PRKAR2B: variants seen among roughly 807,000 people sequenced by gnomAD.
The protein encoded by PRKAR2B is cAMP-dependent protein kinase type II-beta regulatory subunit.
Under a neutral mutation model 49.9 loss-of-function variants are expected in PRKAR2B, and 14 were observed. The ratio of observed to expected loss-of-function variants is 0.28; its 90% CI spans 0.19 to 0.44. PRKAR2B has a LOEUF of 0.44. PRKAR2B is among the 20% of genes least tolerant of loss of function. The pLI, the probability that PRKAR2B is intolerant of heterozygous loss-of-function variation, is 1.00. For synonymous variants in PRKAR2B, 196 were observed against 197.7 expected, an observed-to-expected ratio of 0.99 and a Z score of 0.07; for missense variants, 393 against 537.9, an observed-to-expected ratio of 0.73 and a Z score of 2.67.
intron 1 of PRKAR2B, among the ~76,000 whole-genome samples, chr7:107,047,233 C>T (rs1364683147): frequency 6.6e-6 from 1 of 152,208 alleles, no homozygotes; most frequent in Non-Finnish European, 1.5e-5. Flanking sequence ...GGCAATAGTA[C>T]AGGTACTTCC....
At chr7:107,125,025 G>A (rs1795459124) in intron 3 of PRKAR2B, among the ~76,000 whole-genome samples, 1 of 152,008 alleles carries the variant, frequency 6.6e-6, no homozygotes, top group African/African-American at 2.4e-5. Flanking sequence ...TATGACGCTT[G>A]AATTTGAATT....
chr7:107,114,324 C>CTGTA (rs1373642018), intron 2 of PRKAR2B, among the ~76,000 whole-genome samples: 36 of 130,942 alleles, frequency 2.7e-4, no homozygotes, highest in African/African-American at 7.5e-4. Context: ...GCATGTACAG[C>CTGTA]TGTGTGTGTG....
At chr7:107,111,227 C>A (rs1201723294) in intron 2 of PRKAR2B, among the ~76,000 whole-genome samples, 1 of 152,202 alleles carries the variant, frequency 6.6e-6, no homozygotes, top group Admixed American at 6.5e-5. Context: ...TCAGTGCCAG[C>A]TCAGCCACAG....
intron 2 of PRKAR2B, among the ~76,000 whole-genome samples, chr7:107,094,155 A>T (rs2116804107): frequency 6.6e-6 from 1 of 152,278 alleles, no homozygotes; most frequent in East Asian, 1.9e-4. Context: ...CTATTTCTTC[A>T]CATCCTCTCC....
chr7:107,057,378 A>C (rs1288869571), intron 1 of PRKAR2B, among the ~76,000 whole-genome samples: 5 of 143,522 alleles, frequency 3.5e-5, no homozygotes, highest in African/African-American at 7.8e-5. Context: ...TTTTTTTCCC[A>C]CTCCACTAAT....
chr7:107,115,004 T>C (rs921169839), intron 2 of PRKAR2B, among the ~76,000 whole-genome samples: 4 of 152,164 alleles, frequency 2.6e-5, no homozygotes, highest in Admixed American at 2.6e-4. Context: ...ATTTAAAATA[T>C]CTAAAATGTT....
In PRKAR2B at chr7:107,159,605, T is replaced by C. The variant is rs371678208; in HGVS notation, c.*23T>C. The C allele has an allele frequency of 2.2e-5, 36 of 1,612,292 alleles. No individual in the cohort carries two copies. The highest frequency in any genetic ancestry group is 3.1e-5 in the Non-Finnish European group (36 of 1,178,718). On this transcript the variant is annotated 3_prime_UTR_variant, in exon 11 of 11. Coordinates refer to ENST00000265717, the MANE Select transcript of PRKAR2B (RefSeq NM_002736.3). ...TGAAGCAAAAGTATGGAGCAAGACC[T>C]GTAGTGACAAAATTACACAGTAGTG... is the stretch of plus-strand genomic sequence containing the variant.
intron 4 of PRKAR2B, among the ~76,000 whole-genome samples, chr7:107,136,363 CTG>C (rs1322809475): frequency 6.6e-6 from 1 of 152,102 alleles, no homozygotes; most frequent in Non-Finnish European, 1.5e-5. Flanking sequence ...GCAAAAGACA[CTG>C]TGAGCAGAAT....
chr7:107,093,944 C>A, intron 2 of PRKAR2B, among the ~76,000 whole-genome samples: 1 of 152,100 alleles, frequency 6.6e-6, no homozygotes, highest in African/African-American at 2.4e-5. Flanking sequence ...CAAGTCTTTG[C>A]TATTGTGAAT....
intron 2 of PRKAR2B, among the ~76,000 whole-genome samples, chr7:107,106,319 C>A (rs1164867403): frequency 6.6e-6 from 1 of 152,150 alleles, no homozygotes; most frequent in East Asian, 1.9e-4. Context: ...CATCGCACCC[C>A]ACAAGAAAAA....
chr7:107,148,341 A>C (rs1342363614), intron 6 of PRKAR2B, among the ~76,000 whole-genome samples: 1 of 152,204 alleles, frequency 6.6e-6, no homozygotes, highest in Non-Finnish European at 1.5e-5. Context: ...AATAAGATCA[A>C]CTGTTTTATA....
At chr7:107,135,734 A>G (rs1795690470) in intron 4 of PRKAR2B, among the ~76,000 whole-genome samples, 1 of 152,174 alleles carries the variant, frequency 6.6e-6, no homozygotes, top group Non-Finnish European at 1.5e-5. Flanking sequence ...AATTTAATAA[A>G]TGAAGAGATT....
rs257377 is a variant in PRKAR2B at position 107,160,643 on chromosome 7, G to T, written c.*1061G>T. On this transcript the variant is annotated 3_prime_UTR_variant, in exon 11 of 11. Transcript: ENST00000265717. ...TCAGCAGCCAATATGGGTTTGTTTGGTTTTTTTAATTCTTAAAAACATCCT... is the reference window on the plus strand; with the variant it reads ...TCAGCAGCCAATATGGGTTTGTTTGTTTTTTTTAATTCTTAAAAACATCCT... 21,295 of 151,952 alleles carry T rather than the reference G, an allele frequency of 0.14. 1,887 individuals carry two copies. The highest frequency in any genetic ancestry group is 0.2 in the Middle Eastern group (59 of 294). The allele number at this position is 151,952 out of a possible 1,614,324, so 9.4% of individuals were successfully genotyped here.
intron 2 of PRKAR2B, among the ~76,000 whole-genome samples, chr7:107,102,793 C>T (rs1794997562): frequency 6.6e-6 from 1 of 152,128 alleles, no homozygotes; most frequent in East Asian, 1.9e-4. Context: ...GCCTCAGCCT[C>T]CTGAGTAGCT....
chr7:107,086,927 AC>A (rs1392991166), intron 2 of PRKAR2B, among the ~76,000 whole-genome samples: 1 of 152,202 alleles, frequency 6.6e-6, no homozygotes, highest in Non-Finnish European at 1.5e-5. Context: ...AATATAACTA[AC>A]GTATAACAAC....
chr7:107,123,767 T>C (rs866170028), intron 3 of PRKAR2B, among the ~76,000 whole-genome samples: 27 of 152,196 alleles, frequency 1.8e-4, no homozygotes, highest in African/African-American at 5.8e-4. Flanking sequence ...GGGGTGTGTA[T>C]TTACCCTAAG....
chr7:107,137,154 G>A (rs531480463), intron 4 of PRKAR2B, among the ~76,000 whole-genome samples: 2 of 152,260 alleles, frequency 1.3e-5, no homozygotes, highest in South Asian at 4.2e-4. Flanking sequence ...TCCTAGGCAG[G>A]TCTTTATATT....
At chr7:107,095,920 G>T (rs1272069778) in intron 2 of PRKAR2B, among the ~76,000 whole-genome samples, 2 of 152,152 alleles carry the variant, frequency 1.3e-5, no homozygotes, top group Non-Finnish European at 2.9e-5. Context: ...TTTCATTGAG[G>T]ATTTTTGCAT....
intron 4 of PRKAR2B, chr7:107,128,793 T>TTG (rs1379737507): frequency 1.3e-5 from 2 of 151,482 alleles, no homozygotes; most frequent in African/African-American, 2.4e-5. Flanking sequence ...TGAGGTTTTT[T>TTG]TTTTTTTTTT....
Sources: gnomAD v4.1 joint callset for allele counts (sites outside exome capture counted in the v4.1 genomes callset) on GRCh38, gnomAD v4.1.1 for gene constraint, MANE v1.5 for transcripts, NCBI Gene and HGNC (gene_info 2026-07-23, HGNC 2026-07-21) for gene names.